NFIB: variants seen among roughly 807,000 people sequenced by gnomAD.
NFIB encodes the protein nuclear factor I B.
NFIB carries 11 observed loss-of-function variants against 61.5 expected under a neutral mutation model. The observed-to-expected ratio is 0.18, with a 90% CI of 0.11 to 0.30. The LOEUF (loss-of-function observed/expected upper bound fraction) is 0.30, where lower values mean the gene tolerates loss of function less well. NFIB is among the 10% of genes least tolerant of loss of function. The pLI, the probability that NFIB is intolerant of heterozygous loss-of-function variation, is 1.00. For synonymous variants in NFIB, 260 were observed against 216.5 expected (o/e 1.20, Z -1.76); for missense variants, 471 against 608.9 (o/e 0.77, Z 2.38).
chr9:14,457,082 A>C, the NFIB span, among the ~76,000 whole-genome samples: 13 of 152,320 alleles, frequency 8.5e-5, no homozygotes, highest in African/African-American at 2.9e-4. Context: ...GAAAAGGCCA[A>C]GGGCAATGTG....
chr9:14,481,209 A>ATATATC, the NFIB span, among the ~76,000 whole-genome samples: 45 of 76,598 alleles, frequency 5.9e-4, 2 homozygotes, highest in African/African-American at 1.6e-3. Context: ...ATATATATAT[A>ATATATC]TATATATATA....
At chr9:14,256,523 T>C (rs952813438) in intron 2 of NFIB, among the ~76,000 whole-genome samples, 2 of 151,834 alleles carry the variant, frequency 1.3e-5, no homozygotes, top group Admixed American at 6.6e-5. Flanking sequence ...AATTAGAAGA[T>C]AGAGAAAAAA....
chr9:14,528,831 A>G, the NFIB span, among the ~76,000 whole-genome samples: 2 of 152,180 alleles, frequency 1.3e-5, no homozygotes, highest in African/African-American at 2.4e-5. Flanking sequence ...TTTAAAAGGA[A>G]ACATATAGCA....
chr9:14,433,943 C>T, the NFIB span, among the ~76,000 whole-genome samples: 8 of 152,166 alleles, frequency 5.3e-5, no homozygotes, highest in African/African-American at 1.9e-4. Context: ...CCCCTCCTGC[C>T]GTGACTCGGA....
At chr9:14,294,955 C>A (rs1212496733) in intron 2 of NFIB, among the ~76,000 whole-genome samples, 1 of 152,266 alleles carries the variant, frequency 6.6e-6, no homozygotes, top group South Asian at 2.1e-4. Context: ...CCTCCAAGGA[C>A]CTCCATGGAC....
intron 2 of NFIB, among the ~76,000 whole-genome samples, chr9:14,228,781 AATTT>A (rs1432201602): frequency 6.6e-6 from 1 of 152,114 alleles, no homozygotes; most frequent in Non-Finnish European, 1.5e-5. Context: ...ACTGTATTTT[AATTT>A]TATTAGAGTG....
chr9:14,483,011 T>C, the NFIB span, among the ~76,000 whole-genome samples: 2 of 152,192 alleles, frequency 1.3e-5, no homozygotes, highest in African/African-American at 4.8e-5. Context: ...AAACCCATTA[T>C]GTTGCTGCAC....
At chr9:14,388,240 G>T (rs918114421) in intron 1 of NFIB, among the ~76,000 whole-genome samples, 1 of 152,092 alleles carries the variant, frequency 6.6e-6, no homozygotes, top group Non-Finnish European at 1.5e-5. Context: ...AGGTGTGGTG[G>T]TATGCACCTG....
chr9:14,094,741 C>T (rs2034514843), intron 10 of NFIB, among the ~76,000 whole-genome samples: 1 of 152,062 alleles, frequency 6.6e-6, no homozygotes, highest in African/African-American at 2.4e-5. Context: ...TAGGACTTCA[C>T]AGTAATGAAA....
chr9:14,150,063 C>T, intron 5 of NFIB, 82 bp downstream of exon 5: 1 of 1,565,816 alleles, frequency 6.4e-7, no homozygotes, highest in African/African-American at 1.4e-5. Flanking sequence ...TCTTTACCTA[C>T]CTACCTATCT....
At chr9:14,514,680 CT>C in the NFIB span, among the ~76,000 whole-genome samples, 2 of 152,086 alleles carry the variant, frequency 1.3e-5, no homozygotes, top group African/African-American at 4.8e-5. Flanking sequence ...CTGGTGTGTG[CT>C]GAAAGGTCTT....
chr9:14,423,920 CCATCCTT>C, the NFIB span, among the ~76,000 whole-genome samples: 1 of 152,064 alleles, frequency 6.6e-6, no homozygotes, highest in Admixed American at 6.6e-5. Flanking sequence ...CATCCATTTC[CCATCCTT>C]CACAAGGGCA....
chr9:14,157,039 G>C (rs2043504114), intron 3 of NFIB, among the ~76,000 whole-genome samples: 1 of 152,088 alleles, frequency 6.6e-6, no homozygotes, highest in Admixed American at 6.6e-5. Context: ...TGAAATCTTG[G>C]CTAGGTTATT....
At chr9:14,262,982 C>T (rs1305713284) in intron 2 of NFIB, among the ~76,000 whole-genome samples, 3 of 152,096 alleles carry the variant, frequency 2.0e-5, no homozygotes, top group Non-Finnish European at 4.4e-5. Context: ...TAAACTGTTT[C>T]TAGGTCAGGA....
At chr9:14,097,856 T>TTTTC (rs1385620120) in intron 10 of NFIB, among the ~76,000 whole-genome samples, 2 of 148,972 alleles carry the variant, frequency 1.3e-5, no homozygotes, top group Non-Finnish European at 3.0e-5. Flanking sequence ...CACACTTTTT[T>TTTTC]TTTCTTTCTT....
intron 2 of NFIB, among the ~76,000 whole-genome samples, chr9:14,265,818 G>C (rs2057154240): frequency 6.6e-6 from 1 of 152,216 alleles, no homozygotes; most frequent in Non-Finnish European, 1.5e-5. Flanking sequence ...GAGAGAAAGA[G>C]TTCATTTAGC....
chr9:14,342,652 G>A (rs1287782172), intron 1 of NFIB, among the ~76,000 whole-genome samples: 1 of 152,082 alleles, frequency 6.6e-6, no homozygotes, highest in Non-Finnish European at 1.5e-5. Context: ...AGGTGTAGCG[G>A]GCTACACATA....
chr9:14,313,950 A>C lies in NFIB; in HGVS notation c.-439T>G, dbSNP rs550978082. ...AAATGCTTTTTCAAAAAAGGCGGGG[A>C]GGGGGGCGCGGGAGGGCGCAGGAGG... On this transcript the variant is annotated 5_prime_UTR_variant, in exon 1 of 11. Transcript: ENST00000380953. This position sits in a 1 kb window ranked among gnomAD's most constrained non-coding sequence, Gnocchi z 4.5. The C allele has an allele frequency of 2.6e-6, 2 of 759,172 alleles. No individual in the cohort carries two copies. Among genetic ancestry groups the C allele is most frequent in the East Asian group, 2.6e-4 (1 of 3,810 alleles). 47.0% of individuals were successfully genotyped at this position (759,172 alleles called of 1,614,324 possible). A position where few individuals can be genotyped will look rare whatever the true frequency, so the allele number is the denominator to read the frequency against.
chr9:14,196,088 A>G (rs2382453), intron 2 of NFIB, among the ~76,000 whole-genome samples: 82,563 of 151,598 alleles, frequency 0.54, 24,964 homozygotes, highest in Non-Finnish European at 0.69. Flanking sequence ...TTTTTTTTCT[A>G]TGTTCACGCT....
Sources: allele counts gnomAD v4.1 joint callset (sites outside exome capture counted in the v4.1 genomes callset), GRCh38; gene constraint gnomAD v4.1.1; non-coding constraint Gnocchi (gnomAD v3.1); transcripts MANE v1.5; gene names NCBI Gene and HGNC (gene_info 2026-07-23, HGNC 2026-07-21).